Variants in UBE3A observed in about 807,000 individuals in gnomAD.
UBE3A encodes the protein ubiquitin protein ligase E3A.
UBE3A carries 6 observed loss-of-function variants against 83.4 expected under a neutral mutation model. The observed-to-expected ratio is 0.07, with a 90% confidence interval of 0.04 to 0.14. UBE3A has a LOEUF of 0.14. Ranked by LOEUF, UBE3A falls within the 10% of genes least tolerant of loss-of-function variation. UBE3A has a pLI of 1.00. For synonymous variants in UBE3A, 337 were observed against 355.4 expected (o/e 0.95, Z 0.58); for missense variants, 456 against 1,036.1 (o/e 0.44, Z 7.69).
rs1376376529 is a variant in UBE3A at position 25,404,193 on chromosome 15, CACAATATAT to C, written c.62+1259_62+1267del. 2.6e-5 allele frequency among the ~76,000 whole-genome samples: 4 copies of C among 152,064 alleles called. No individual in the cohort carries two copies. The East Asian group carries it at 7.7e-4, about 29-fold the overall frequency. On this transcript the variant is annotated intron_variant, in intron 4 of 12. Transcript: ENST00000648336. ...ATTTTATAGTCGTTTCTTGCAGATT[CACAATATAT>C]ACCGGCATTTAAATAAGGTTCCAAT...
intron 4 of UBE3A, among the ~76,000 whole-genome samples, chr15:25,402,813 T>C (rs1044383859): frequency 1.3e-5 from 2 of 152,214 alleles, no homozygotes; most frequent in Admixed American, 6.5e-5. Flanking sequence ...CACATTCAGG[T>C]AATCTCTCGT....
chr15:25,388,142 A>G (rs1479143490), intron 4 of UBE3A, among the ~76,000 whole-genome samples: 4 of 152,182 alleles, frequency 2.6e-5, no homozygotes, highest in Non-Finnish European at 4.4e-5. Flanking sequence ...TACCCAAACC[A>G]GACAAAGACA....
intron 1 of UBE3A, among the ~76,000 whole-genome samples, chr15:25,424,483 G>GTAA (rs1347567759): frequency 6.6e-6 from 1 of 151,924 alleles, no homozygotes; most frequent in African/African-American, 2.4e-5. Flanking sequence ...CTATCTTTAT[G>GTAA]ATCTCTTTTT....
At chr15:25,407,690 G>A (rs2088973627) in intron 3 of UBE3A, 1 of 152,044 alleles carries the variant, frequency 6.6e-6, no homozygotes, top group South Asian at 2.1e-4. Flanking sequence ...GAAGAAGAAG[G>A]ATTGAAAGAT....
chr15:25,396,036 C>G (rs997172810), intron 4 of UBE3A, among the ~76,000 whole-genome samples: 1 of 151,986 alleles, frequency 6.6e-6, no homozygotes, highest in Admixed American at 6.6e-5. Flanking sequence ...AACTCTGTCT[C>G]TACTAAAAAT....
chr15:25,364,337 G>T lies in UBE3A; in HGVS notation c.1609-3810C>A, dbSNP rs145980196. Among the ~76,000 whole-genome samples the T allele has an allele frequency of 6.2e-3, 943 of 152,136 alleles. 15 individuals are homozygous for T. The highest frequency in any genetic ancestry group is 0.01 in the Middle Eastern group (3 of 294). On this transcript the variant is annotated intron_variant, in intron 6 of 12. Coordinates refer to ENST00000648336, the MANE Select transcript of UBE3A (RefSeq NM_130839.5). ...GATAAAGGCCATTATTGCATAAACA[G>T]CTGTACTGATAATTCTTTTTCTTAA...
chr15:25,383,853 G>T (rs1175851516), intron 4 of UBE3A, among the ~76,000 whole-genome samples: 3 of 151,878 alleles, frequency 2.0e-5, no homozygotes, highest in African/African-American at 7.3e-5. Context: ...TAGCAACTGG[G>T]CAAGAAAAAG....
At chr15:25,369,062 C>T (rs1032510820) in intron 6 of UBE3A, among the ~76,000 whole-genome samples, 2 of 152,106 alleles carry the variant, frequency 1.3e-5, no homozygotes, top group African/African-American at 4.8e-5. Context: ...TAGTCATAGA[C>T]AGACCTCAAC....
At chr15:25,349,012 G>GC (rs1325581911) in intron 11 of UBE3A, among the ~76,000 whole-genome samples, 1 of 152,188 alleles carries the variant, frequency 6.6e-6, no homozygotes, top group African/African-American at 2.4e-5. Flanking sequence ...TGAAAAAGTT[G>GC]TGGGACTCAC....
Position 25,337,671 on chromosome 15 carries a change from C to T in UBE3A, c.*1466G>A, listed in dbSNP as rs1415258598. 1 of 152,058 alleles carries T rather than the reference C, an allele frequency of 6.6e-6. No homozygotes were observed. The highest frequency in any genetic ancestry group is 1.5e-5 in the Non-Finnish European group (1 of 67,990). The allele number at this position is 152,058 out of a possible 1,614,324, so 9.4% of individuals were successfully genotyped here. ...AATCATCAGGTTGATCTACAGTAAT[C>T]AGTTAAAACAATCAGTCAATCAATC... On this transcript the variant is annotated 3_prime_UTR_variant, in exon 13 of 13. Transcript: ENST00000648336.
rs1002405524 is a variant in UBE3A at position 25,375,913 on chromosome 15, A to C, written c.63-150T>G. On this transcript the variant is annotated intron_variant, in intron 4 of 12. Transcript: ENST00000648336. ...AGTAGAAAATGGAGATGCACTATTT[A>C]CCACAACTCCTGACTAGTGAAATAG... is the stretch of plus-strand genomic sequence containing the variant. 5.0e-6 allele frequency: 4 copies of C among 799,772 alleles called. No homozygotes were observed. In the African/African-American group the frequency reaches 6.8e-5, roughly 14 times the overall value. The allele number at this position is 799,772 out of a possible 1,614,324, so 49.5% of individuals were successfully genotyped here.
chr15:25,380,481 T>A (rs2081991550), intron 4 of UBE3A, among the ~76,000 whole-genome samples: 1 of 152,120 alleles, frequency 6.6e-6, no homozygotes, highest in Non-Finnish European at 1.5e-5. Flanking sequence ...TTTGGCCTCT[T>A]AACTCTCTCT....
rs1297457627 is a variant in UBE3A at position 25,354,438 on chromosome 15, A to G, written c.2281-12T>C. 5 of 1,613,534 alleles carry G rather than the reference A, an allele frequency of 3.1e-6. No homozygotes were observed. The highest frequency in any genetic ancestry group is 3.4e-6 in the Non-Finnish European group (4 of 1,179,910). On this transcript the variant is annotated splice_polypyrimidine_tract_variant and intron_variant, in intron 10 of 12. Coordinates refer to ENST00000648336, the MANE Select transcript of UBE3A (RefSeq NM_130839.5). ...TGGAAATCTAGATTCTGCAAATTCAAGAAAATATGTCTTAGTTATCTGCTA... is the reference window on the plus strand; with the variant it reads ...TGGAAATCTAGATTCTGCAAATTCAGGAAAATATGTCTTAGTTATCTGCTA...
At chr15:25,352,273 T>C (rs1358953433) in intron 11 of UBE3A, among the ~76,000 whole-genome samples, 1 of 152,246 alleles carries the variant, frequency 6.6e-6, no homozygotes, top group Non-Finnish European at 1.5e-5. Flanking sequence ...AGTTGAAATG[T>C]ATTAAACAGC....
At position 25,338,598 on chromosome 15, in the gene UBE3A, T is replaced by C. The variant is rs1225898059; in HGVS notation, c.*539A>G. On this transcript the variant is annotated 3_prime_UTR_variant, in exon 13 of 13. Coordinates refer to ENST00000648336, the MANE Select transcript of UBE3A (RefSeq NM_130839.5). ...CAGCAGTAATTGCATCACACTGTTT[T>C]CAAGACTTCAAGTTTCAAAAGCAAA... The C allele has an allele frequency of 6.6e-6, 1 of 152,118 alleles. No homozygotes were observed. The highest frequency in any genetic ancestry group is 2.4e-5 in the African/African-American group (1 of 41,408). 9.4% of individuals were successfully genotyped at this position (152,118 alleles called of 1,614,324 possible). A position where few individuals can be genotyped will look rare whatever the true frequency, so the allele number is the denominator to read the frequency against.
chr15:25,384,717 G>A (rs772375206), intron 4 of UBE3A, among the ~76,000 whole-genome samples: 11 of 151,886 alleles, frequency 7.2e-5, no homozygotes, highest in Non-Finnish European at 1.5e-4. Context: ...GTAACAATCT[G>A]GACAAAAAAC....
At chr15:25,377,632 G>A (rs1028818076) in intron 4 of UBE3A, among the ~76,000 whole-genome samples, 1 of 152,116 alleles carries the variant, frequency 6.6e-6, no homozygotes, top group African/African-American at 2.4e-5. Flanking sequence ...AATGTAAGTA[G>A]GTATTTCCTT....
chr15:25,367,203 TTGTAAATA>T (rs1335628620), intron 6 of UBE3A, among the ~76,000 whole-genome samples: 2 of 98,070 alleles, frequency 2.0e-5, no homozygotes, highest in African/African-American at 8.8e-5. Context: ...ATTTACATAT[TTGTAAATA>T]TGTAAATATT....
Position 25,337,221 on chromosome 15 carries a change from A to AAAAC in UBE3A, c.*1912_*1915dup, listed in dbSNP as rs2074011381. The AAAAC allele has an allele frequency of 6.6e-6, 1 of 152,328 alleles. No homozygotes were observed. Among genetic ancestry groups the AAAAC allele is most frequent in the East Asian group, 1.9e-4 (1 of 5,188 alleles). The allele number at this position is 152,328 out of a possible 1,614,324, so 9.4% of individuals were successfully genotyped here. A position where few individuals can be genotyped will look rare whatever the true frequency, so the allele number is the denominator to read the frequency against. ...GAACTTTAATAAATACCATAATAATAAAACTTGAGAACTGAAGAGCACACA... is the reference window on the plus strand; with the variant it reads ...GAACTTTAATAAATACCATAATAATAAAACAAACTTGAGAACTGAAGAGCACACA... On this transcript the variant is annotated 3_prime_UTR_variant, in exon 13 of 13. Coordinates refer to ENST00000648336, the MANE Select transcript of UBE3A (RefSeq NM_130839.5).
Sources: gnomAD v4.1 joint callset for allele counts (sites outside exome capture counted in the v4.1 genomes callset) on GRCh38, gnomAD v4.1.1 for gene constraint, MANE v1.5 for transcripts, NCBI Gene and HGNC (gene_info 2026-07-23, HGNC 2026-07-21) for gene names.